Variants in SGMS1 observed in about 807,000 individuals in gnomAD.
SGMS1 encodes phosphatidylcholine:ceramide cholinephosphotransferase 1.
SGMS1 carries 13 observed loss-of-function variants against 46.2 expected under a neutral mutation model. The observed-to-expected ratio is 0.28, with a 90% CI of 0.18 to 0.45. The LOEUF is 0.45. Among genes scored for constraint, SGMS1 ranks in the 20% least tolerant of loss-of-function variants. SGMS1 has a pLI of 1.00. For synonymous variants in SGMS1, 203 were observed against 187.8 expected (o/e 1.08, Z -0.66); for missense variants, 324 against 519.9 (o/e 0.62, Z 3.66).
chr10:50,429,302 C>G (rs1195982596), intron 6 of SGMS1, among the ~76,000 whole-genome samples: 2 of 152,156 alleles, frequency 1.3e-5, no homozygotes, highest in African/African-American at 4.8e-5. Context: ...CAAATACTTA[C>G]CATTTGGTTA....
intron 4 of SGMS1, 147 bp downstream of exon 4, chr10:50,466,743 T>C (rs1050697943): frequency 6.6e-6 from 1 of 152,210 alleles, no homozygotes; most frequent in African/African-American, 2.4e-5. Flanking sequence ...AATGGTAATA[T>C]GTATTTGACT....
chr10:50,624,875 G>C (rs903276415), upstream of SGMS1: 1 of 999,664 alleles, frequency 1.0e-6, no homozygotes. Context: ...CGGGGTCGGG[G>C]ACTTGGCGAG....
chr10:50,411,915 A>C (rs1185297439), intron 6 of SGMS1, among the ~76,000 whole-genome samples: 1 of 152,214 alleles, frequency 6.6e-6, no homozygotes, highest in Non-Finnish European at 1.5e-5. Context: ...TTAAACTTGA[A>C]AGTTAGCTTA....
At chr10:50,440,420 G>T (rs940851215) in intron 5 of SGMS1, among the ~76,000 whole-genome samples, 1 of 152,022 alleles carries the variant, frequency 6.6e-6, no homozygotes, top group Non-Finnish European at 1.5e-5. Flanking sequence ...AGAGCCAGCA[G>T]TTTTCTCTCC....
At chr10:50,436,323 G>A (rs1363596946) in intron 5 of SGMS1, among the ~76,000 whole-genome samples, 1 of 152,002 alleles carries the variant, frequency 6.6e-6, no homozygotes, top group Non-Finnish European at 1.5e-5. Flanking sequence ...TAGCCAGGAT[G>A]GTCTTGATCT....
chr10:50,565,720 A>G (rs1254133871), intron 2 of SGMS1, among the ~76,000 whole-genome samples: 4 of 152,122 alleles, frequency 2.6e-5, no homozygotes, highest in Non-Finnish European at 5.9e-5. Flanking sequence ...AGTCAACATA[A>G]TAGTGTCCAG....
At chr10:50,497,557 C>G (rs2133750861) in intron 3 of SGMS1, among the ~76,000 whole-genome samples, 1 of 152,278 alleles carries the variant, frequency 6.6e-6, no homozygotes, top group Admixed American at 6.5e-5. Context: ...CTTTGGGAGG[C>G]CGAGGCAGAT....
chr10:50,390,642 GA>G (rs148620353), intron 6 of SGMS1, among the ~76,000 whole-genome samples: 19,323 of 151,270 alleles, frequency 0.13, 1,392 homozygotes, highest in Middle Eastern at 0.22. Context: ...TGCCTCTTAA[GA>G]AAAAAAAATT....
intron 5 of SGMS1, among the ~76,000 whole-genome samples, chr10:50,452,341 G>C (rs1024907113): frequency 6.6e-6 from 1 of 152,118 alleles, no homozygotes; most frequent in African/African-American, 2.4e-5. Context: ...TAAAAGAGGA[G>C]ACTGCGCTGT....
intron 6 of SGMS1, among the ~76,000 whole-genome samples, chr10:50,347,788 A>G (rs1344393764): frequency 1.3e-5 from 2 of 152,196 alleles, no homozygotes; most frequent in African/African-American, 4.8e-5. Context: ...CCAAAGTGTT[A>G]TTTCAGTCCT....
chr10:50,623,957 GCCGAGCATGCCCAGTCCGCTGC>G, upstream of SGMS1: 1 of 985,794 alleles, frequency 1.0e-6, no homozygotes. Flanking sequence ...CTCCCGGGCT[GCCGAGCATGCCCAGTCCGCTGC>G]CCGAGCCGGC....
intron 2 of SGMS1, among the ~76,000 whole-genome samples, chr10:50,587,290 A>C (rs1483508479): frequency 1.3e-5 from 2 of 152,074 alleles, no homozygotes; most frequent in East Asian, 3.9e-4. Context: ...TAGCCTACAA[A>C]TAGCAGAAAA....
chr10:50,596,104 C>T (rs1213587513), intron 1 of SGMS1, among the ~76,000 whole-genome samples: 1 of 151,872 alleles, frequency 6.6e-6, no homozygotes, highest in Non-Finnish European at 1.5e-5. Flanking sequence ...TTTCTTGCTT[C>T]CATATATAAA....
chr10:50,369,130 T>TA (rs1395213956), intron 6 of SGMS1, among the ~76,000 whole-genome samples: 1 of 152,188 alleles, frequency 6.6e-6, no homozygotes, highest in Non-Finnish European at 1.5e-5. Flanking sequence ...ACAGAATATT[T>TA]AAAAAATCCA....
At chr10:50,582,009 C>T (rs542362313) in intron 2 of SGMS1, among the ~76,000 whole-genome samples, 30 of 152,366 alleles carry the variant, frequency 2.0e-4, no homozygotes, top group Middle Eastern at 6.8e-3. Flanking sequence ...AACCGCAGGG[C>T]AGAGCCTGTC....
intron 2 of SGMS1, among the ~76,000 whole-genome samples, chr10:50,587,980 A>G (rs1459915574): frequency 6.6e-6 from 1 of 151,944 alleles, no homozygotes; most frequent in Non-Finnish European, 1.5e-5. Flanking sequence ...TAAAATCACC[A>G]TATCTCAGTG....
At chr10:50,408,412 A>G (rs2133561238) in intron 6 of SGMS1, among the ~76,000 whole-genome samples, 1 of 146,740 alleles carries the variant, frequency 6.8e-6, no homozygotes, top group South Asian at 2.3e-4. Context: ...CCTGGGCAAT[A>G]TACTGAGACC....
At chr10:50,609,976 T>A (rs1265563654) in intron 1 of SGMS1, among the ~76,000 whole-genome samples, 1 of 152,130 alleles carries the variant, frequency 6.6e-6, no homozygotes, top group Admixed American at 6.5e-5. Flanking sequence ...GACACAGAAA[T>A]CTGAGAAGCA....
chr10:50,323,567 T>C (rs775706645), intron 8 of SGMS1, among the ~76,000 whole-genome samples: 1 of 152,204 alleles, frequency 6.6e-6, no homozygotes, highest in Non-Finnish European at 1.5e-5. Context: ...GATTCACAAA[T>C]ATTTATTTTC....
Sources: allele counts gnomAD v4.1 joint callset (sites outside exome capture counted in the v4.1 genomes callset), GRCh38; gene constraint gnomAD v4.1.1; transcripts MANE v1.5; gene names NCBI Gene and HGNC (gene_info 2026-07-23, HGNC 2026-07-21).